The following UBR4 variants were observed in gnomAD, a reference collection of about 807,000 sequenced individuals.
UBR4 encodes the protein E3 ubiquitin-protein ligase UBR4.
Under a neutral mutation model 575.6 loss-of-function variants are expected in UBR4, and 124 were observed. The observed-to-expected ratio is 0.22, with a 90% CI of 0.19 to 0.25. UBR4 has a LOEUF of 0.25. Among genes scored for constraint, UBR4 ranks in the 10% least tolerant of loss-of-function variants. The pLI is 1.00. For synonymous variants in UBR4, 2,455 were observed against 2,473.7 expected (o/e 0.99, Z 0.22); for missense variants, 4,818 against 6,478.8 (o/e 0.74, Z 8.80).
chr1:19,119,890 C>A (rs1389373381), intron 69 of UBR4, among the ~76,000 whole-genome samples, 189 bp from the exon 70 acceptor site: 1 of 152,202 alleles, frequency 6.6e-6, no homozygotes, highest in Non-Finnish European at 1.5e-5. Flanking sequence ...CATCACCCAA[C>A]ATATCCCAGA....
chr1:19,077,369 CCGG>C (rs1327151044), intron 104 of UBR4, among the ~76,000 whole-genome samples: 1 of 152,102 alleles, frequency 6.6e-6, no homozygotes, highest in Non-Finnish European at 1.5e-5. Flanking sequence ...AAAGAGAGAC[CCGG>C]CGGGGAAGGT....
rs201548897 is a variant in UBR4, at chr1:19,139,067, C to A, written c.8731+16G>T. 6.2e-7 allele frequency: 1 copy of A among 1,600,344 alleles called. No homozygotes were observed. The highest frequency in any genetic ancestry group is 8.5e-7 in the Non-Finnish European group (1 of 1,171,274). On this transcript the variant is annotated intron_variant, in intron 59 of 105. Transcript: ENST00000375254. This position sits in a 1 kb window ranked among gnomAD's most constrained non-coding sequence, Gnocchi z 4.2. ...CCTCTGCCCAAGGAGACAGGACCCC[C>A]GCCATGGCACATTACCACTGTGCTC...
Position 19,185,292 on chromosome 1 carries a change from TAGAG to T in UBR4, c.1751-10_1751-7del, listed in dbSNP as rs745818008. The T allele has an allele frequency of 2.0e-6, 3 of 1,526,876 alleles. No homozygotes were observed. The highest frequency in any genetic ancestry group is 2.6e-6 in the Non-Finnish European group (3 of 1,141,748). The allele number at this position is 1,526,876 out of a possible 1,614,324, so 94.6% of individuals were successfully genotyped here. A position where few individuals can be genotyped will look rare whatever the true frequency, so the allele number is the denominator to read the frequency against. On this transcript the variant is annotated splice_polypyrimidine_tract_variant and splice_region_variant and intron_variant, in intron 14 of 105. Coordinates refer to ENST00000375254, the MANE Select transcript of UBR4 (RefSeq NM_020765.3). Reference sequence around the variant, plus strand: ...AATAGGCTCACTGTCATCGTCTGAATAGAGAAAGATAAAGTAACGAAAATAAATA... The same window carrying T: ...AATAGGCTCACTGTCATCGTCTGAATAAAGATAAAGTAACGAAAATAAATA...
intron 97 of UBR4, among the ~76,000 whole-genome samples, chr1:19,092,331 T>C (rs899967085): frequency 6.6e-6 from 1 of 152,020 alleles, no homozygotes; most frequent in Non-Finnish European, 1.5e-5. Flanking sequence ...ATTAAAACTT[T>C]GATTTAAAAA....
At chr1:19,144,466 G>A (rs889747484) in intron 54 of UBR4, among the ~76,000 whole-genome samples, 1 of 152,134 alleles carries the variant, frequency 6.6e-6, no homozygotes, top group Admixed American at 6.5e-5. Flanking sequence ...AAGGGTCACT[G>A]GAAATAGAAA....
intron 65 of UBR4, among the ~76,000 whole-genome samples, chr1:19,123,463 A>C (rs954279690): frequency 1.2e-4 from 18 of 151,592 alleles, no homozygotes; most frequent in Admixed American, 4.6e-4. Context: ...AAAAAAAAAA[A>C]AAAAACAAAG....
At chr1:19,144,402 C>T (rs896391462) in intron 54 of UBR4, among the ~76,000 whole-genome samples, 1 of 152,212 alleles carries the variant, frequency 6.6e-6, no homozygotes, top group Non-Finnish European at 1.5e-5. Context: ...AAGCCCCCAG[C>T]GCACGTCTTA....
chr1:19,187,327 A>G (rs777824615), intron 12 of UBR4, 26 bp from the exon 13 acceptor site: 1 of 1,610,908 alleles, frequency 6.2e-7, no homozygotes, highest in East Asian at 2.2e-5. Flanking sequence ...TCAAAGGGCA[A>G]TTAATGATAC....
chr1:19,160,045 T>G, intron 39 of UBR4, 66 bp downstream of exon 39: 1 of 1,572,592 alleles, frequency 6.4e-7, no homozygotes. Flanking sequence ...ATCTAGCACA[T>G]TTTGGGATCT....
chr1:19,095,157 T>C (rs1000065554), intron 93 of UBR4, 132 bp from the exon 94 acceptor site: 2 of 1,338,678 alleles, frequency 1.5e-6, no homozygotes, highest in African/African-American at 1.4e-5. Flanking sequence ...TGTGTATGTA[T>C]GTGCGTGTAT....
intron 11 of UBR4, among the ~76,000 whole-genome samples, chr1:19,191,852 G>A (rs906578824): frequency 2.6e-5 from 4 of 152,116 alleles, no homozygotes; most frequent in Non-Finnish European, 5.9e-5. Context: ...GGTTATACAC[G>A]CAAGTACTCA....
In UBR4 at chr1:19,187,462, T is replaced by C. The variant is rs1302257431; in HGVS notation, c.1473A>G (p.Leu491=). 6 of 1,613,990 alleles carry C rather than the reference T, an allele frequency of 3.7e-6. No individual in the cohort carries two copies. The highest frequency in any genetic ancestry group is 1.3e-5 in the African/African-American group (1 of 74,952). ...TCACCTTGTGAAGGGCCTCCACTTG[T>C]AGGTCTTGAAAGAGAGACGTTAGCA... The part of the protein sequence containing the change: ...IKLLTSLFQD[L]QVEALHKGWE... Residue 491 remains leucine, a synonymous_variant, in exon 12 of 106, where the codon CTA becomes CTG. Coordinates refer to ENST00000375254, the MANE Select transcript of UBR4 (RefSeq NM_020765.3).
At chr1:19,174,218 C>T in intron 22 of UBR4, 101 bp downstream of exon 22, 1 of 1,453,854 alleles carries the variant, frequency 6.9e-7, no homozygotes, top group Non-Finnish European at 9.1e-7. Context: ...TTTTGCAAAT[C>T]AATATTCAAT....
chr1:19,084,616 G>A lies in UBR4; in HGVS notation c.14896C>T (p.Leu4966=). 2 of 1,614,188 alleles carry A rather than the reference G, an allele frequency of 1.2e-6. No individual in the cohort carries two copies. Among genetic ancestry groups the A allele is most frequent in the Non-Finnish European group, 1.7e-6 (2 of 1,179,980 alleles). The change falls in exon 102 of 106, where the codon CTG becomes TTG. Residue 4966 remains leucine (L), a synonymous_variant. Transcript: ENST00000375254. ...AACGACTGCTCCATGGCGAAGCGCAGGAAGAGCAGTTTGATGTCATGGATG... is the reference window on the plus strand; with the variant it reads ...AACGACTGCTCCATGGCGAAGCGCAAGAAGAGCAGTTTGATGTCATGGATG... ...LNIHDIKLLF[L]RFAMEQSFSA...
chr1:19,143,190 AAAGGAAGGAAGG>A (rs199926049), intron 55 of UBR4, among the ~76,000 whole-genome samples: 2 of 148,532 alleles, frequency 1.3e-5, no homozygotes, highest in Admixed American at 6.7e-5. Flanking sequence ...AAAAAGAAAG[AAAGGAAGGAAGG>A]AAGGAAGGAA....
chr1:19,182,027 A>C (rs1029543441), intron 17 of UBR4, among the ~76,000 whole-genome samples: 1 of 152,174 alleles, frequency 6.6e-6, no homozygotes, highest in Non-Finnish European at 1.5e-5. Context: ...TGACTACCTA[A>C]GTACCTCAGA....
At position 19,151,853 on chromosome 1, in the gene UBR4, C is replaced by T; in HGVS notation, c.7003G>A (p.Gly2335Ser). 6.3e-7 allele frequency: 1 copy of T among 1,592,822 alleles called. No individual in the cohort carries two copies. Residue 2335 changes from glycine (G) to serine (S), a missense_variant, in exon 48 of 106, where the codon GGC becomes AGC. Coordinates refer to ENST00000375254, the MANE Select transcript of UBR4 (RefSeq NM_020765.3). The part of the protein sequence containing the change: ...GMYVANTKPG[G>S]FTIEISNNNS... ...TTGTTACTAATCTCAATGGTGAAGC[C>T]TCCGGGCTGTAGGGAGACAAGGCAC...
intron 64 of UBR4, among the ~76,000 whole-genome samples, chr1:19,125,098 A>T (rs1453028852): frequency 2.0e-5 from 3 of 152,198 alleles, no homozygotes; most frequent in Non-Finnish European, 4.4e-5. Flanking sequence ...CCATGATAAC[A>T]AGAAATTGTT....
intron 34 of UBR4, among the ~76,000 whole-genome samples, chr1:19,163,464 C>G (rs1279145717): frequency 6.6e-6 from 1 of 152,234 alleles, no homozygotes; most frequent in East Asian, 1.9e-4. Flanking sequence ...AAAGCCTGAG[C>G]AGGGAGACAG....
Sources: allele counts gnomAD v4.1 joint callset (sites outside exome capture counted in the v4.1 genomes callset), GRCh38; gene constraint gnomAD v4.1.1; non-coding constraint Gnocchi (gnomAD v3.1); transcripts MANE v1.5; gene names NCBI Gene and HGNC (gene_info 2026-07-23, HGNC 2026-07-21).